The following SMIM14 variants were observed in gnomAD, a reference collection of about 807,000 sequenced individuals.
SMIM14 encodes the protein small integral membrane protein 14.
SMIM14 carries 5 observed loss-of-function variants against 12.6 expected under a neutral mutation model. That is an observed-to-expected ratio of 0.40 (90% CI 0.21 to 0.83). SMIM14 has a LOEUF of 0.83. SMIM14 is among the 40% of genes least tolerant of loss of function. SMIM14 has a pLI of 0.37. For missense variants in SMIM14, 86 were observed against 119.1 expected (o/e 0.72, Z 1.29); for synonymous variants, 30 against 40.1 (o/e 0.75, Z 0.95).
intron 1 of SMIM14, among the ~76,000 whole-genome samples, chr4:39,631,472 C>A (rs1334481087): frequency 6.6e-6 from 1 of 151,356 alleles, no homozygotes; most frequent in African/African-American, 2.4e-5. Context: ...TCCTGGCTAA[C>A]ATGGTGAAAC....
chr4:39,591,476 A>G (rs1714076008), intron 2 of SMIM14, among the ~76,000 whole-genome samples: 1 of 152,124 alleles, frequency 6.6e-6, no homozygotes. Flanking sequence ...TAAGTAAGTA[A>G]AACCTTGTCA....
rs1712120183 is a variant in SMIM14, at chr4:39,558,387, C to T, written c.125-1817G>A. 6.6e-6 allele frequency among the ~76,000 whole-genome samples: 1 copy of T among 152,178 alleles called. No individual in the cohort carries two copies. The highest frequency in any genetic ancestry group is 2.1e-4 in the South Asian group (1 of 4,826). On this transcript the variant is annotated intron_variant, in intron 3 of 4. Coordinates refer to ENST00000295958, the MANE Select transcript of SMIM14 (RefSeq NM_174921.3). This position sits in a 1 kb window ranked among gnomAD's most constrained non-coding sequence, Gnocchi z 4.3. ...AAGGCTGGGCCCCTAGAAGTGCTTG[C>T]CTGAAAAATCACAGCTGCTGCAGCT... is the stretch of plus-strand genomic sequence containing the variant.
chr4:39,584,599 C>T (rs191301378), intron 2 of SMIM14, among the ~76,000 whole-genome samples: 1 of 149,388 alleles, frequency 6.7e-6, no homozygotes, highest in Non-Finnish European at 1.5e-5. Flanking sequence ...AGTTCAAGAC[C>T]AGCCTGGGCA....
intron 1 of SMIM14, among the ~76,000 whole-genome samples, chr4:39,634,403 C>T (rs1394331163): frequency 6.6e-6 from 1 of 152,168 alleles, no homozygotes; most frequent in African/African-American, 2.4e-5. Context: ...AGTTCAGAAG[C>T]AGTAGGGTAC....
At chr4:39,576,198 T>C (rs1450192267) in intron 2 of SMIM14, among the ~76,000 whole-genome samples, 2 of 151,862 alleles carry the variant, frequency 1.3e-5, no homozygotes, top group Non-Finnish European at 2.9e-5. Context: ...CTTGGTCTTT[T>C]TTTTTTTTCT....
chr4:39,565,507 A>G (rs1245679893), intron 3 of SMIM14, among the ~76,000 whole-genome samples: 2 of 152,080 alleles, frequency 1.3e-5, no homozygotes, highest in Admixed American at 1.3e-4. Flanking sequence ...TATTTTTTGT[A>G]GAGACAGGAT....
At chr4:39,608,973 AT>A (rs918896778) in intron 1 of SMIM14, among the ~76,000 whole-genome samples, 2 of 151,912 alleles carry the variant, frequency 1.3e-5, no homozygotes, top group African/African-American at 2.4e-5. Flanking sequence ...TGTACATTTT[AT>A]TTTATTTTAT....
rs576302973 is a variant in SMIM14, at chr4:39,568,673, G to A, written c.124+3742C>T. Reference sequence around the variant, plus strand: ...AATAACTTTTTCCAATTGAATAGTAGCACAATACTATCCAATTGAATAGTA... The same window carrying A: ...AATAACTTTTTCCAATTGAATAGTAACACAATACTATCCAATTGAATAGTA... On this transcript the variant is annotated intron_variant, in intron 3 of 4. Coordinates refer to ENST00000295958, the MANE Select transcript of SMIM14 (RefSeq NM_174921.3). Among the ~76,000 whole-genome samples the A allele has an allele frequency of 6.7e-3, 1,025 of 152,130 alleles. 5 individuals carry two copies. The highest frequency in any genetic ancestry group is 9.4e-3 in the Non-Finnish European group (636 of 67,990).
chr4:39,631,709 G>C (rs1715907859), intron 1 of SMIM14, among the ~76,000 whole-genome samples: 1 of 151,936 alleles, frequency 6.6e-6, no homozygotes, highest in African/African-American at 2.4e-5. Context: ...ATAGCAGCCA[G>C]AACACTGACT....
intron 2 of SMIM14, among the ~76,000 whole-genome samples, chr4:39,580,716 G>A (rs185242294): frequency 6.6e-6 from 1 of 151,606 alleles, no homozygotes; most frequent in African/African-American, 2.4e-5. Context: ...CAGTAGAGAC[G>A]GGGTTTCACC....
At chr4:39,623,936 T>A (rs1438318832) in intron 1 of SMIM14, among the ~76,000 whole-genome samples, 1 of 152,156 alleles carries the variant, frequency 6.6e-6, no homozygotes. Flanking sequence ...CAATTATTCA[T>A]AACTGTTGTC....
intron 2 of SMIM14, among the ~76,000 whole-genome samples, chr4:39,574,346 C>T (rs377584321): frequency 1.3e-5 from 2 of 151,916 alleles, no homozygotes; most frequent in East Asian, 1.9e-4. Context: ...CTCTGCCTCC[C>T]GGGTTCAAGC....
chr4:39,593,027 G>A (rs1714183977), intron 2 of SMIM14: 1 of 151,872 alleles, frequency 6.6e-6, no homozygotes, highest in South Asian at 2.1e-4. Flanking sequence ...AATAGAAAAA[G>A]AGGGAATCCT....
In SMIM14 at chr4:39,547,067, A is replaced by C. The variant is rs1747372423; in HGVS notation, c.*5059T>G. ...GAGAGAGAAAGAAAATAACCAAAGA[A>C]ATGTGACTGCAATCTAATTTCCAAG... On this transcript the variant is annotated 3_prime_UTR_variant, in exon 5 of 5. Transcript: ENST00000295958. 6.6e-6 allele frequency: 1 copy of C among 152,226 alleles called. No homozygotes were observed. The highest frequency in any genetic ancestry group is 6.5e-5 in the Admixed American group (1 of 15,286). The allele number at this position is 152,226 out of a possible 1,614,324, so 9.4% of individuals were successfully genotyped here.
intron 1 of SMIM14, among the ~76,000 whole-genome samples, chr4:39,635,676 GA>G (rs1716060491): frequency 6.6e-6 from 1 of 152,174 alleles, no homozygotes; most frequent in Non-Finnish European, 1.5e-5. Context: ...GATGCAAAAT[GA>G]AAATAGAGAT....
At position 39,556,466 on chromosome 4, in the gene SMIM14, C is replaced by G. The variant is rs1225565930; in HGVS notation, c.229G>C (p.Gly77Arg). The G allele has an allele frequency of 6.2e-7, 1 of 1,613,658 alleles. No homozygotes were observed. Among genetic ancestry groups the G allele is most frequent in the Non-Finnish European group, 8.5e-7 (1 of 1,179,918 alleles). The change falls in exon 4 of 5, where the codon GGA (glycine) becomes CGA (arginine). Residue 77 changes from glycine (G) to arginine (R), a missense_variant. By Grantham distance (125) the Gly-to-Arg change is moderately radical. Transcript: ENST00000295958. Reference sequence around the variant, plus strand: ...GTTGGCTTTCCAGGTAGGCTGGATCCTCTTAGATTAGGAGGTCTCAGTAAG... The same window carrying G: ...GTTGGCTTTCCAGGTAGGCTGGATCGTCTTAGATTAGGAGGTCTCAGTAAG... ...LFLLRPPNLR[G>R]SSLPGKPTSP... is the part of the protein sequence containing the mutation.
intron 3 of SMIM14, among the ~76,000 whole-genome samples, chr4:39,569,774 T>C (rs1712789828): frequency 6.6e-6 from 1 of 152,100 alleles, no homozygotes; most frequent in East Asian, 1.9e-4. Flanking sequence ...AAATTATTTT[T>C]GAGCTGTAGG....
intron 1 of SMIM14, among the ~76,000 whole-genome samples, chr4:39,615,210 C>T (rs1487469271): frequency 1.3e-5 from 2 of 152,126 alleles, no homozygotes; most frequent in Admixed American, 6.6e-5. Context: ...GTTGGGATTA[C>T]AGGCGTGAGC....
At chr4:39,604,663 T>C (rs1714738854) in intron 2 of SMIM14, among the ~76,000 whole-genome samples, 1 of 151,678 alleles carries the variant, frequency 6.6e-6, no homozygotes, top group Non-Finnish European at 1.5e-5. Flanking sequence ...CAGGCTAGAG[T>C]GCAGTGGCAT....
Sources: allele counts gnomAD v4.1 joint callset (sites outside exome capture counted in the v4.1 genomes callset), GRCh38; gene constraint gnomAD v4.1.1; non-coding constraint Gnocchi (gnomAD v3.1); transcripts MANE v1.5; gene names NCBI Gene and HGNC (gene_info 2026-07-23, HGNC 2026-07-21).